The following GRAMD2B variants were observed in gnomAD, a reference collection of about 807,000 sequenced individuals.
The protein encoded by GRAMD2B is GRAM domain containing 2B.
Under a neutral mutation model 59.2 loss-of-function variants are expected in GRAMD2B, and 41 were observed. That is an observed-to-expected ratio of 0.69 (90% CI 0.54 to 0.90). GRAMD2B has a LOEUF of 0.90. Among genes scored for constraint, GRAMD2B ranks in the 40% least tolerant of loss-of-function variants. The pLI, the probability that GRAMD2B is intolerant of heterozygous loss-of-function variation, is 0.00. For synonymous variants in GRAMD2B, 161 were observed against 182.7 expected (o/e 0.88, Z 0.96); for missense variants, 424 against 500.5 (o/e 0.85, Z 1.46).
intron 1 of GRAMD2B, among the ~76,000 whole-genome samples, chr5:126,412,697 G>A (rs1420637142): frequency 2.0e-5 from 3 of 152,036 alleles, no homozygotes; most frequent in South Asian, 2.1e-4. Flanking sequence ...CCAGCTCTTC[G>A]TTGTATTTCT....
chr5:126,417,106 T>C (rs762600254), intron 1 of GRAMD2B, among the ~76,000 whole-genome samples: 32 of 152,228 alleles, frequency 2.1e-4, no homozygotes, highest in Non-Finnish European at 3.2e-4. Flanking sequence ...CCTAATCTAT[T>C]ATCTGCACTG....
At chr5:126,485,633 A>T (rs999680762) in intron 10 of GRAMD2B, 53 bp from the exon 11 acceptor site, 33 of 1,122,358 alleles carry the variant, frequency 2.9e-5, no homozygotes, top group Non-Finnish European at 3.9e-5. Flanking sequence ...ATTGCTGGAT[A>T]AAAGAAGTGT....
At chr5:126,422,047 T>C (rs572382420), upstream of GRAMD2B, among the ~76,000 whole-genome samples, 2 of 152,292 alleles carry the variant, frequency 1.3e-5, no homozygotes, top group East Asian at 1.9e-4. Flanking sequence ...AACTACTCCA[T>C]TGCAAATTAG....
At chr5:126,491,240 C>A (rs1342909177) in intron 13 of GRAMD2B, among the ~76,000 whole-genome samples, 3 of 152,058 alleles carry the variant, frequency 2.0e-5, no homozygotes, top group Admixed American at 1.3e-4. Flanking sequence ...TTTCTACCTC[C>A]CACTCCTGTT....
At chr5:126,476,833 C>T (rs1001179597) in intron 5 of GRAMD2B, among the ~76,000 whole-genome samples, 9 of 152,200 alleles carry the variant, frequency 5.9e-5, no homozygotes, top group Non-Finnish European at 8.8e-5. Flanking sequence ...AGTGAGGAGG[C>T]GAATGAAATT....
At chr5:126,413,235 C>T (rs1043220076) in intron 1 of GRAMD2B, among the ~76,000 whole-genome samples, 2 of 152,018 alleles carry the variant, frequency 1.3e-5, no homozygotes, top group East Asian at 1.9e-4. Context: ...TTGAGGTGGA[C>T]ATTTAGCACT....
chr5:126,399,989 A>G (rs991927810), intron 1 of GRAMD2B, among the ~76,000 whole-genome samples: 1 of 152,022 alleles, frequency 6.6e-6, no homozygotes, highest in Non-Finnish European at 1.5e-5. Flanking sequence ...TCAATAATAC[A>G]GGACTCATTA....
chr5:126,415,727 A>G (rs1219560184), intron 1 of GRAMD2B, among the ~76,000 whole-genome samples: 1 of 152,154 alleles, frequency 6.6e-6, no homozygotes, highest in African/African-American at 2.4e-5. Flanking sequence ...TCAACTTACT[A>G]GTTTCAAATG....
chr5:126,484,565 T>C, intron 10 of GRAMD2B, 41 bp downstream of exon 10: 1 of 1,556,168 alleles, frequency 6.4e-7, no homozygotes, highest in Non-Finnish European at 8.6e-7. Flanking sequence ...TTAGAAGGAT[T>C]GGAGATGTCT....
At chr5:126,423,175 C>G (rs1245033626), upstream of GRAMD2B, 17 of 1,002,488 alleles carry the variant, frequency 1.7e-5, no homozygotes, top group Non-Finnish European at 2.0e-5. Flanking sequence ...CTAAAAATCC[C>G]CCTGTTACAG....
intron 1 of GRAMD2B, among the ~76,000 whole-genome samples, chr5:126,365,707 T>C (rs1375883613): frequency 6.6e-6 from 1 of 151,784 alleles, no homozygotes. Flanking sequence ...ATCAGAGCTT[T>C]TTTTTTTTTT....
chr5:126,479,052 A>G (rs571421926), intron 6 of GRAMD2B, among the ~76,000 whole-genome samples: 2 of 152,342 alleles, frequency 1.3e-5, no homozygotes, highest in South Asian at 2.1e-4. Flanking sequence ...AAAAATTTAC[A>G]TTAAAGTGGT....
chr5:126,483,401 C>A, intron 8 of GRAMD2B, 62 bp from the exon 9 acceptor site: 1 of 1,015,250 alleles, frequency 9.8e-7, no homozygotes, highest in Non-Finnish European at 1.6e-6. Context: ...CTGGGAGTTA[C>A]AAAGGCCTGC....
At chr5:126,386,671 C>A (rs1756168559) in intron 1 of GRAMD2B, among the ~76,000 whole-genome samples, 1 of 152,212 alleles carries the variant, frequency 6.6e-6, no homozygotes, top group African/African-American at 2.4e-5. Flanking sequence ...TTACTTGGAT[C>A]TATATTTGAA....
Position 126,463,926 on chromosome 5 carries a change from G to T in GRAMD2B, c.84-1500G>T, listed in dbSNP as rs964495730. On this transcript the variant is annotated intron_variant, in intron 1 of 13. Transcript: ENST00000285689. ...CCCAGCTACTTGGGAGGCTGAGGCA[G>T]GAGAATCTTGAGGAAGGAGAATCTC... is the stretch of plus-strand genomic sequence containing the variant. 1.3e-5 allele frequency among the ~76,000 whole-genome samples: 2 copies of T among 152,170 alleles called. 1 individual carries two copies. Among genetic ancestry groups the T allele is most frequent in the East Asian group, 3.9e-4 (2 of 5,192 alleles).
At chr5:126,406,633 T>C (rs1266574232) in intron 1 of GRAMD2B, among the ~76,000 whole-genome samples, 4 of 152,014 alleles carry the variant, frequency 2.6e-5, no homozygotes, top group African/African-American at 9.7e-5. Flanking sequence ...TGTTTTCTGC[T>C]GTGTACTATT....
At chr5:126,484,693 C>CGTACCT (rs750843440) in intron 10 of GRAMD2B, among the ~76,000 whole-genome samples, 169 bp downstream of exon 10, 2 of 152,004 alleles carry the variant, frequency 1.3e-5, no homozygotes, top group Non-Finnish European at 2.9e-5. Context: ...AAGCGATTCT[C>CGTACCT]GTACCTCAGC....
At chr5:126,425,553 G>A (rs1320370863) in intron 1 of GRAMD2B, among the ~76,000 whole-genome samples, 1 of 152,170 alleles carries the variant, frequency 6.6e-6, no homozygotes, top group Non-Finnish European at 1.5e-5. Flanking sequence ...GATCACTTGA[G>A]CCCAGGAATT....
chr5:126,490,623 G>A (rs1370323153), intron 13 of GRAMD2B, among the ~76,000 whole-genome samples: 2 of 152,176 alleles, frequency 1.3e-5, no homozygotes. Flanking sequence ...TATTAAAAAA[G>A]AGGTACCAGG....
Sources: allele counts gnomAD v4.1 joint callset (sites outside exome capture counted in the v4.1 genomes callset), GRCh38; gene constraint gnomAD v4.1.1; transcripts MANE v1.5; gene names NCBI Gene and HGNC (gene_info 2026-07-23, HGNC 2026-07-21).